The following PPFIBP2 variants were observed in gnomAD, a reference collection of about 807,000 sequenced individuals.
PPFIBP2 encodes liprin-beta-2.
PPFIBP2 carries 118 observed loss-of-function variants against 118.3 expected under a neutral mutation model. The observed-to-expected ratio is 1.00, with a 90% CI of 0.86 to 1.16. The LOEUF (loss-of-function observed/expected upper bound fraction) is 1.16. Among genes scored for constraint, PPFIBP2 ranks in the 50% most tolerant of loss-of-function variants. The probability of loss-of-function intolerance (pLI) is 0.00; values close to 1 mark genes in which losing one functional copy is unlikely to be tolerated. For missense variants in PPFIBP2, 1,195 were observed against 1,073.1 expected (o/e 1.11, Z -1.59); for synonymous variants, 414 against 397.4 (o/e 1.04, Z -0.50).
intron 14 of PPFIBP2, among the ~76,000 whole-genome samples, chr11:7,637,271 G>A (rs762465796): frequency 4.6e-5 from 7 of 152,284 alleles, no homozygotes; most frequent in Non-Finnish European, 8.8e-5. Flanking sequence ...CAGACTTGGA[G>A]TGTGATATTC....
In PPFIBP2 at chr11:7,610,548, T is replaced by A. The variant is rs1466064237; in HGVS notation, c.618+126T>A. ...GCCAGAAATATCTATACACTAGAGA[T>A]GCAGTGATCTGTTAATACCAAGTTA... On this transcript the variant is annotated intron_variant, in intron 6 of 23. Coordinates refer to ENST00000299492, the MANE Select transcript of PPFIBP2 (RefSeq NM_003621.5). The A allele has an allele frequency of 2.3e-6, 3 of 1,303,896 alleles. No homozygotes were observed. The African/African-American group carries it at 4.4e-5, about 19-fold the overall frequency. The allele number at this position is 1,303,896 out of a possible 1,614,324, so 80.8% of individuals were successfully genotyped here. A position where few individuals can be genotyped will look rare whatever the true frequency, so the allele number is the denominator to read the frequency against.
At chr11:7,611,979 A>C (rs563348694) in intron 6 of PPFIBP2, among the ~76,000 whole-genome samples, 1 of 152,380 alleles carries the variant, frequency 6.6e-6, no homozygotes, top group East Asian at 1.9e-4. Context: ...GTATGTGAAC[A>C]TACATTAGGA....
At chr11:7,640,074 A>T (rs1347857200) in intron 15 of PPFIBP2, among the ~76,000 whole-genome samples, 1 of 152,180 alleles carries the variant, frequency 6.6e-6, no homozygotes, top group East Asian at 1.9e-4. Flanking sequence ...AGCACTCTAC[A>T]GTCTCAGCAA....
chr11:7,650,805 G>A, intron 21 of PPFIBP2, 35 bp from the exon 22 acceptor site: 1 of 1,609,280 alleles, frequency 6.2e-7, no homozygotes, highest in Non-Finnish European at 8.5e-7. Flanking sequence ...GACCTATTAA[G>A]CCTAACTTCC....
intron 19 of PPFIBP2, 91 bp from the exon 20 acceptor site, chr11:7,649,056 A>G (rs1853571766): frequency 7.1e-7 from 1 of 1,408,784 alleles, no homozygotes; most frequent in Non-Finnish European, 9.9e-7. Flanking sequence ...AATAAAACGA[A>G]CCTCAAAATA....
intron 3 of PPFIBP2, among the ~76,000 whole-genome samples, chr11:7,592,630 A>G (rs937929836): frequency 2.0e-5 from 3 of 152,270 alleles, no homozygotes; most frequent in Admixed American, 1.3e-4. Context: ...GCTCACTGTG[A>G]TGTTCAGGAT....
At chr11:7,581,726 T>C (rs1243876467) in intron 3 of PPFIBP2, among the ~76,000 whole-genome samples, 1 of 152,218 alleles carries the variant, frequency 6.6e-6, no homozygotes, top group Non-Finnish European at 1.5e-5. Context: ...TCTAGATTCC[T>C]TGGGCTCATA....
chr11:7,610,503 C>T (rs1847936820), intron 6 of PPFIBP2, 81 bp downstream of exon 6: 3 of 1,563,258 alleles, frequency 1.9e-6, no homozygotes, highest in South Asian at 1.1e-5. Context: ...GGTCAACTCC[C>T]AGCCTGGAAG....
chr11:7,554,800 A>ACTGGACTGGACTGGACTG lies in PPFIBP2; in HGVS notation c.64+5261_64+5262insCTGGACTGGACTGGACTG, dbSNP rs1564967032. On this transcript the variant is annotated intron_variant, in intron 2 of 23. Transcript: ENST00000299492. ...GAATCCCAGGTGACTAGACTAGACT[A>ACTGGACTGGACTGGACTG]GACTAGACTAGACTAGATTGGGTCT... 3.0e-3 allele frequency among the ~76,000 whole-genome samples: 430 copies of ACTGGACTGGACTGGACTG among 145,098 alleles called. 1 individual carries two copies. Among genetic ancestry groups the ACTGGACTGGACTGGACTG allele is most frequent in the African/African-American group, 9.5e-3 (362 of 38,248 alleles).
intron 4 of PPFIBP2, among the ~76,000 whole-genome samples, chr11:7,595,895 T>TC (rs1379310686): frequency 6.6e-6 from 1 of 151,612 alleles, no homozygotes; most frequent in Non-Finnish European, 1.5e-5. Flanking sequence ...TTTATCCTTT[T>TC]TTTTTTTTTT....
intron 1 of PPFIBP2, among the ~76,000 whole-genome samples, chr11:7,516,295 G>A (rs1849223122): frequency 6.6e-6 from 1 of 152,146 alleles, no homozygotes; most frequent in Non-Finnish European, 1.5e-5. Flanking sequence ...CCTTATTTTG[G>A]GCCTGAGAGA....
intron 17 of PPFIBP2, chr11:7,648,090 C>A (rs900599032): frequency 7.0e-6 from 2 of 287,612 alleles, no homozygotes; most frequent in South Asian, 1.4e-4. Context: ...TGTGTGTATG[C>A]GGACCTAGGA....
At chr11:7,564,105 G>A (rs184202178) in intron 2 of PPFIBP2, among the ~76,000 whole-genome samples, 1 of 152,074 alleles carries the variant, frequency 6.6e-6, no homozygotes, top group East Asian at 1.9e-4. Context: ...GGCGGAGCTT[G>A]CAGTGAGCCG....
intron 5 of PPFIBP2, among the ~76,000 whole-genome samples, chr11:7,608,322 G>T (rs1847640315): frequency 6.6e-6 from 1 of 152,152 alleles, no homozygotes; most frequent in Non-Finnish European, 1.5e-5. Flanking sequence ...ATGAGTTCTG[G>T]AGTCAAACAG....
rs529585905 is a variant in PPFIBP2, at chr11:7,606,886, A to ATTTTTTTTTTT, written c.487-3373_487-3363dup. Reference sequence around the variant, plus strand: ...CTGATCAGAAGACAAAACTGCATGAATTTTTTTTTTTTTTTTTTTTTTTTT... The same window carrying ATTTTTTTTTTT: ...CTGATCAGAAGACAAAACTGCATGAATTTTTTTTTTTTTTTTTTTTTTTTTTTTTTTTTTTT... On this transcript the variant is annotated intron_variant, in intron 5 of 23. Coordinates refer to ENST00000299492, the MANE Select transcript of PPFIBP2 (RefSeq NM_003621.5). Among the ~76,000 whole-genome samples the ATTTTTTTTTTT allele has an allele frequency of 2.3e-3, 120 of 51,438 alleles. 36 individuals are homozygous for ATTTTTTTTTTT. Among genetic ancestry groups the ATTTTTTTTTTT allele is most frequent in the Non-Finnish European group, 3.8e-3 (102 of 26,918 alleles). 33.7% of individuals were successfully genotyped at this position (51,438 alleles called of 152,430 possible).
At position 7,641,168 on chromosome 11, in the gene PPFIBP2, G is replaced by A. The variant is rs913671415; in HGVS notation, c.1376-311G>A. On this transcript the variant is annotated intron_variant, in intron 15 of 23. Coordinates refer to ENST00000299492, the MANE Select transcript of PPFIBP2 (RefSeq NM_003621.5). ...CTCAGCCAGGGACCCACTACTGCCT[G>A]CGTTCCTGCATCTCCCTCTGAGGAA... is the stretch of plus-strand genomic sequence containing the variant. The A allele has an allele frequency of 2.6e-5, 26 of 1,018,454 alleles. No homozygotes were observed. The African/African-American group carries it at 2.6e-4, about 10-fold the overall frequency. The allele number at this position is 1,018,454 out of a possible 1,614,324, so 63.1% of individuals were successfully genotyped here.
At chr11:7,568,453 G>C (rs996748972) in intron 3 of PPFIBP2, among the ~76,000 whole-genome samples, 1 of 152,188 alleles carries the variant, frequency 6.6e-6, no homozygotes, top group African/African-American at 2.4e-5. Flanking sequence ...CATTTCTTTA[G>C]TATGTTTTTG....
At chr11:7,537,748 T>G (rs927726653) in intron 1 of PPFIBP2, among the ~76,000 whole-genome samples, 2 of 152,202 alleles carry the variant, frequency 1.3e-5, no homozygotes, top group Non-Finnish European at 2.9e-5. Flanking sequence ...CTCTGCTCCC[T>G]GGATGCTGTC....
intron 1 of PPFIBP2, chr11:7,538,472 C>G (rs747996673): frequency 6.5e-6 from 1 of 152,678 alleles, no homozygotes; most frequent in Admixed American, 6.5e-5. Flanking sequence ...GGTCATGGAG[C>G]CTTGCTTAAA....
Sources: allele counts gnomAD v4.1 joint callset (sites outside exome capture counted in the v4.1 genomes callset), GRCh38; gene constraint gnomAD v4.1.1; transcripts MANE v1.5; gene names NCBI Gene and HGNC (gene_info 2026-07-23, HGNC 2026-07-21).